The following ARID1B variants were observed in gnomAD, a reference collection of about 807,000 sequenced individuals.
The protein encoded by ARID1B is AT-rich interactive domain-containing protein 1B.
Under a neutral mutation model 212.3 loss-of-function variants are expected in ARID1B, and 30 were observed. The ratio of observed to expected loss-of-function variants is 0.14; its 90% CI spans 0.11 to 0.19. The LOEUF (loss-of-function observed/expected upper bound fraction) is 0.19, where lower values mean the gene tolerates loss of function less well. Among genes scored for constraint, ARID1B ranks in the 10% least tolerant of loss-of-function variants. The pLI is 1.00. For missense variants in ARID1B, 2,891 were observed against 3,204.0 expected (o/e 0.90, Z 2.36); for synonymous variants, 1,402 against 1,301.7 (o/e 1.08, Z -1.66).
chr6:157,121,742 C>T (rs929544843), intron 6 of ARID1B, among the ~76,000 whole-genome samples: 5 of 149,562 alleles, frequency 3.3e-5, no homozygotes, highest in African/African-American at 1.3e-4. Flanking sequence ...AGCAGTTCTC[C>T]TGCCTCAGCC....
At chr6:156,954,819 T>C (rs1793843587) in intron 4 of ARID1B, among the ~76,000 whole-genome samples, 1 of 152,276 alleles carries the variant, frequency 6.6e-6, no homozygotes, top group Non-Finnish European at 1.5e-5. Flanking sequence ...CTTTAACTAT[T>C]TCCCCCACTG....
intron 4 of ARID1B, among the ~76,000 whole-genome samples, chr6:157,050,709 A>G (rs148953599): frequency 1.7e-4 from 26 of 152,320 alleles, no homozygotes; most frequent in African/African-American, 6.0e-4. Context: ...TTACCTTCAT[A>G]TGAGCCCTGT....
chr6:156,877,935 C>T (rs1353122957), intron 2 of ARID1B, among the ~76,000 whole-genome samples: 2 of 151,914 alleles, frequency 1.3e-5, no homozygotes, highest in African/African-American at 2.4e-5. Flanking sequence ...AGGCTGGTCT[C>T]GAACTCCTGA....
At chr6:157,196,084 A>T (rs2128355082) in intron 15 of ARID1B, 81 bp from the exon 16 acceptor site, 1 of 1,543,218 alleles carries the variant, frequency 6.5e-7, no homozygotes, top group Non-Finnish European at 8.8e-7. Context: ...TCCAAAGACA[A>T]TAGAGATGAC....
chr6:156,995,730 A>C (rs1471893967), intron 4 of ARID1B, among the ~76,000 whole-genome samples: 1 of 152,230 alleles, frequency 6.6e-6, no homozygotes, highest in African/African-American at 2.4e-5. Context: ...TCACCAGATG[A>C]GATGGAGAAT....
At chr6:157,012,378 G>T (rs908860838) in intron 4 of ARID1B, among the ~76,000 whole-genome samples, 1 of 152,242 alleles carries the variant, frequency 6.6e-6, no homozygotes, top group South Asian at 2.1e-4. Context: ...GGAGTGGGCC[G>T]ATAAGGCAGT....
At chr6:157,027,920 A>G (rs896598803) in intron 4 of ARID1B, among the ~76,000 whole-genome samples, 1 of 152,160 alleles carries the variant, frequency 6.6e-6, no homozygotes, top group African/African-American at 2.4e-5. Context: ...ACTTCCGTTG[A>G]TTTATCCAGG....
chr6:156,992,581 T>C (rs1225399579), intron 4 of ARID1B, among the ~76,000 whole-genome samples: 1 of 152,228 alleles, frequency 6.6e-6, no homozygotes, highest in South Asian at 2.1e-4. Flanking sequence ...GACAGACGGC[T>C]AGCACCAGGG....
chr6:156,793,502 C>G (rs370472589), intron 1 of ARID1B, among the ~76,000 whole-genome samples: 1 of 152,076 alleles, frequency 6.6e-6, no homozygotes, highest in Non-Finnish European at 1.5e-5. Context: ...TGCCTGCCTA[C>G]TTTTCAAAAT....
At chr6:156,806,759 CA>C (rs1319095247) in intron 1 of ARID1B, among the ~76,000 whole-genome samples, 2 of 152,144 alleles carry the variant, frequency 1.3e-5, no homozygotes, top group Non-Finnish European at 2.9e-5. Flanking sequence ...ACGTTTGGAT[CA>C]GGGGGTCAGC....
At position 157,133,078 on chromosome 6, in the gene ARID1B, C is replaced by G. The variant is rs1380036170; in HGVS notation, c.2632C>G (p.Gln878Glu). The change falls in exon 7 of 20, where the codon CAA becomes GAA. Residue 878 changes from glutamine to glutamate, a missense_variant. Physicochemically the swap from Gln to Glu is conservative, Grantham distance 29 (BLOSUM62 2). Coordinates refer to ENST00000636930, the MANE Select transcript of ARID1B (RefSeq NM_001374828.1). ...CCCTCAGATGGCTCAGTATGGACCT[C>G]AACAGACAGGACCATCCATGTCGCC... ...RNPQMAQYGP[Q>E]QTGPSMSPHP... The G allele has an allele frequency of 6.2e-7, 1 of 1,614,016 alleles. No individual in the cohort carries two copies. Among genetic ancestry groups the G allele is most frequent in the East Asian group, 2.2e-5 (1 of 44,882 alleles).
intron 4 of ARID1B, among the ~76,000 whole-genome samples, chr6:156,987,856 C>A (rs1184106764): frequency 6.6e-6 from 1 of 152,262 alleles, no homozygotes; most frequent in South Asian, 2.1e-4. Flanking sequence ...CCTGTTGAGA[C>A]TTTATTCCTT....
At chr6:156,887,456 G>A (rs959192954) in intron 2 of ARID1B, among the ~76,000 whole-genome samples, 8 of 152,170 alleles carry the variant, frequency 5.3e-5, no homozygotes, top group Non-Finnish European at 1.2e-4. Context: ...AAATTTAGGG[G>A]TAGATAGATT....
intron 9 of ARID1B, chr6:157,172,816 T>C (rs1366773679): frequency 6.6e-6 from 1 of 152,126 alleles, no homozygotes; most frequent in African/African-American, 2.4e-5. Flanking sequence ...TTTTTTTTTT[T>C]CTTGGCACAT....
intron 5 of ARID1B, among the ~76,000 whole-genome samples, chr6:157,101,332 G>A (rs962250844): frequency 6.6e-6 from 1 of 152,104 alleles, no homozygotes; most frequent in Non-Finnish European, 1.5e-5. Flanking sequence ...AGAGTTATTT[G>A]CAAAGTGACT....
intron 1 of ARID1B, among the ~76,000 whole-genome samples, chr6:156,828,091 G>T (rs1187634118): frequency 1.3e-5 from 2 of 148,614 alleles, no homozygotes; most frequent in African/African-American, 5.0e-5. Flanking sequence ...AAGAGACAGG[G>T]TCCCACTGTG....
intron 3 of ARID1B, among the ~76,000 whole-genome samples, chr6:156,934,423 A>T (rs1791993943): frequency 6.6e-6 from 1 of 152,118 alleles, no homozygotes; most frequent in Admixed American, 6.5e-5. Context: ...CTCTTGGAAG[A>T]GTGTTTGACA....
chr6:157,133,235 T>C (rs1367697848), intron 7 of ARID1B, 28 bp downstream of exon 7: 1 of 1,553,810 alleles, frequency 6.4e-7, no homozygotes. Flanking sequence ...CCAAAATGCA[T>C]GGCAGCAAGT....
chr6:156,928,569 A>G (rs1269663145), intron 3 of ARID1B, among the ~76,000 whole-genome samples: 5 of 152,142 alleles, frequency 3.3e-5, no homozygotes, highest in Non-Finnish European at 7.4e-5. Flanking sequence ...TCCTGTAGAG[A>G]TTTGGGAATC....
Sources: allele counts gnomAD v4.1 joint callset (sites outside exome capture counted in the v4.1 genomes callset), GRCh38; gene constraint gnomAD v4.1.1; transcripts MANE v1.5; gene names NCBI Gene and HGNC (gene_info 2026-07-23, HGNC 2026-07-21).